The following PRELID2 variants were observed in gnomAD, a reference collection of about 807,000 sequenced individuals.
PRELID2 encodes the protein PRELI domain-containing protein 2.
A neutral mutation model predicts 28.4 loss-of-function variants in PRELID2; 25 were observed. That is an observed-to-expected ratio of 0.88 (90% confidence interval 0.64 to 1.23). The LOEUF is 1.23. PRELID2 is among the 50% of genes most tolerant of loss of function. The pLI, the probability that PRELID2 is intolerant of heterozygous loss-of-function variation, is 0.00. For synonymous variants in PRELID2, 76 were observed against 71.6 expected (o/e 1.06, Z -0.31); for missense variants, 201 against 214.4 (o/e 0.94, Z 0.39).
the PRELID2 span, chr5:145,230,096 A>AT: frequency 1.6e-6 from 1 of 630,734 alleles, no homozygotes; most frequent in African/African-American, 1.8e-5. Context: ...CAATTTGCAG[A>AT]TCCCCCAAGT....
At chr5:145,313,209 A>T in the PRELID2 span, among the ~76,000 whole-genome samples, 9 of 152,244 alleles carry the variant, frequency 5.9e-5, 1 homozygote, top group African/African-American at 2.2e-4. Context: ...TAATGCAGTT[A>T]TACCTTCAAA....
chr5:145,416,657 A>C, the PRELID2 span, among the ~76,000 whole-genome samples: 1 of 152,170 alleles, frequency 6.6e-6, no homozygotes, highest in Admixed American at 6.6e-5. Context: ...CAGCATTAAG[A>C]GGAAAATTTA....
At chr5:145,263,913 G>C in the PRELID2 span, among the ~76,000 whole-genome samples, 2 of 150,164 alleles carry the variant, frequency 1.3e-5, no homozygotes, top group Non-Finnish European at 2.9e-5. Context: ...TTGTTTTTGA[G>C]ATGGAGTCTC....
At chr5:145,472,458 C>T (rs1485692033) in intron 2 of PRELID2, among the ~76,000 whole-genome samples, 2 of 152,126 alleles carry the variant, frequency 1.3e-5, no homozygotes, top group African/African-American at 4.8e-5. Context: ...GACTGAAACC[C>T]AGCCTTCTGA....
At chr5:145,500,971 G>C (rs536027619) in intron 1 of PRELID2, among the ~76,000 whole-genome samples, 1 of 152,252 alleles carries the variant, frequency 6.6e-6, no homozygotes, top group East Asian at 1.9e-4. Context: ...ACTGCAAGCA[G>C]AGGGAGGACC....
the PRELID2 span, among the ~76,000 whole-genome samples, chr5:145,309,874 C>T: frequency 6.6e-6 from 1 of 152,186 alleles, no homozygotes; most frequent in Non-Finnish European, 1.5e-5. Context: ...AAGAAAACGG[C>T]TTCCCTTGTA....
chr5:145,502,650 G>A (rs560514178), intron 1 of PRELID2, among the ~76,000 whole-genome samples: 65 of 152,180 alleles, frequency 4.3e-4, no homozygotes, highest in African/African-American at 1.5e-3. Context: ...CAGAGACCAC[G>A]TCTCATTCAT....
the PRELID2 span, among the ~76,000 whole-genome samples, chr5:145,323,101 T>C: frequency 2.0e-5 from 3 of 152,090 alleles, no homozygotes; most frequent in East Asian, 5.8e-4. Flanking sequence ...CTTCTTTAGA[T>C]TGGTTCCCAG....
intron 1 of PRELID2, among the ~76,000 whole-genome samples, chr5:145,709,836 G>A (rs1755645517): frequency 1.3e-5 from 2 of 152,316 alleles, no homozygotes; most frequent in South Asian, 4.1e-4. Flanking sequence ...CACTCCCTTA[G>A]AGACTGGAGC....
At chr5:145,786,488 G>C (rs899953863) in intron 5 of PRELID2, among the ~76,000 whole-genome samples, 8 of 152,190 alleles carry the variant, frequency 5.3e-5, no homozygotes, top group Non-Finnish European at 1.2e-4. Flanking sequence ...GAGGCCCGCT[G>C]AATCCTACCA....
At chr5:145,231,511 T>C in the PRELID2 span, among the ~76,000 whole-genome samples, 1 of 152,214 alleles carries the variant, frequency 6.6e-6, no homozygotes, top group African/African-American at 2.4e-5. Context: ...TATAAAGTGA[T>C]TTAAAATCTG....
At chr5:145,412,052 C>T in the PRELID2 span, among the ~76,000 whole-genome samples, 1 of 152,272 alleles carries the variant, frequency 6.6e-6, no homozygotes, top group Non-Finnish European at 1.5e-5. Context: ...AACCATTTTT[C>T]TCTCCTAGGC....
the PRELID2 span, among the ~76,000 whole-genome samples, chr5:145,373,088 AAT>A: frequency 0.45 from 23,411 of 51,968 alleles, 6,219 homozygotes; most frequent in East Asian, 0.74. Context: ...CAACATATAT[AAT>A]ATATATGATA....
the PRELID2 span, among the ~76,000 whole-genome samples, chr5:145,269,217 A>G: frequency 6.6e-6 from 1 of 152,246 alleles, no homozygotes; most frequent in East Asian, 1.9e-4. Context: ...AGTAGTCCAA[A>G]GAATTCTTTA....
chr5:145,817,198 AAT>A (rs201617335), intron 4 of PRELID2, among the ~76,000 whole-genome samples: 3,580 of 69,676 alleles, frequency 0.051, 284 homozygotes, highest in African/African-American at 0.083. Context: ...TTCAAAAAAA[AAT>A]AAATAAATAA....
At chr5:145,465,048 T>A in the PRELID2 span, among the ~76,000 whole-genome samples, 1 of 152,146 alleles carries the variant, frequency 6.6e-6, no homozygotes, top group South Asian at 2.1e-4. Flanking sequence ...TAATAGTATA[T>A]ATAAATATGT....
chr5:145,492,057 G>A (rs1298693102), intron 1 of PRELID2, among the ~76,000 whole-genome samples: 2 of 152,172 alleles, frequency 1.3e-5, no homozygotes, highest in African/African-American at 4.8e-5. Context: ...GATCCCAGTA[G>A]TGGAATTGCT....
chr5:145,269,113 C>T, the PRELID2 span, among the ~76,000 whole-genome samples: 1 of 152,048 alleles, frequency 6.6e-6, no homozygotes, highest in African/African-American at 2.4e-5. Context: ...CCAAATTAAT[C>T]TATACATTCA....
At chr5:145,822,409 A>T (rs551358522) in intron 2 of PRELID2, among the ~76,000 whole-genome samples, 388 of 152,332 alleles carry the variant, frequency 2.5e-3, no homozygotes, top group South Asian at 0.017. Context: ...CTGCTGTTGT[A>T]GTGAGGAAGC....
Sources: allele counts gnomAD v4.1 joint callset (sites outside exome capture counted in the v4.1 genomes callset), GRCh38; gene constraint gnomAD v4.1.1; transcripts MANE v1.5; gene names NCBI Gene and HGNC (gene_info 2026-07-23, HGNC 2026-07-21).